Variants in TSNARE1 observed in about 807,000 individuals in gnomAD.
TSNARE1 encodes t-SNARE domain-containing protein 1.
Under a neutral mutation model 62.0 loss-of-function variants are expected in TSNARE1, and 49 were observed. The observed-to-expected ratio is 0.79, with a 90% CI of 0.63 to 1.00. The LOEUF (loss-of-function observed/expected upper bound fraction) is 1.00. TSNARE1 is among the 50% of genes least tolerant of loss of function. The pLI, the probability that TSNARE1 is intolerant of heterozygous loss-of-function variation, is 0.00. For missense variants in TSNARE1, 755 were observed against 700.1 expected (o/e 1.08, Z -0.88); for synonymous variants, 328 against 294.4 (o/e 1.11, Z -1.17).
At chr8:142,395,191 C>A (rs1464473303) in intron 1 of TSNARE1, among the ~76,000 whole-genome samples, 1 of 152,148 alleles carries the variant, frequency 6.6e-6, no homozygotes, top group Non-Finnish European at 1.5e-5. Flanking sequence ...GCTGGGACCA[C>A]AGAGACAGAA....
intron 13 of TSNARE1, among the ~76,000 whole-genome samples, chr8:142,214,794 G>T (rs755789400): frequency 1.3e-5 from 2 of 152,174 alleles, no homozygotes; most frequent in Admixed American, 6.5e-5. Flanking sequence ...CCTCCGCCAC[G>T]TGAGGATGTA....
At chr8:142,352,472 G>C (rs2130697806) in intron 2 of TSNARE1, among the ~76,000 whole-genome samples, 1 of 152,386 alleles carries the variant, frequency 6.6e-6, no homozygotes, top group East Asian at 1.9e-4. Flanking sequence ...CACGCCCCGT[G>C]TACCTGCAGA....
chr8:142,311,009 C>T (rs984539234), intron 9 of TSNARE1, among the ~76,000 whole-genome samples: 1 of 152,028 alleles, frequency 6.6e-6, no homozygotes, highest in East Asian at 1.9e-4. Context: ...CCACCACACC[C>T]GACAAAAATT....
At chr8:142,284,366 C>T in intron 11 of TSNARE1, 47 bp downstream of exon 11, 2 of 1,510,440 alleles carry the variant, frequency 1.3e-6, no homozygotes, top group Non-Finnish European at 1.8e-6. Context: ...GGCTGGCAGG[C>T]AGGCCCTCGG....
chr8:142,399,137 G>A (rs1341418812), intron 1 of TSNARE1, among the ~76,000 whole-genome samples: 9 of 152,246 alleles, frequency 5.9e-5, no homozygotes, highest in African/African-American at 2.2e-4. Context: ...ACCTATTCAA[G>A]GCACCTGGCT....
intron 12 of TSNARE1, among the ~76,000 whole-genome samples, chr8:142,263,984 C>T (rs1210993166): frequency 2.0e-5 from 3 of 152,138 alleles, no homozygotes; most frequent in Non-Finnish European, 2.9e-5. Flanking sequence ...TGGGTTCATT[C>T]TGTTGTTCCT....
intron 5 of TSNARE1, 48 bp from the exon 6 acceptor site, chr8:142,331,018 C>T (rs754725337): frequency 4.5e-6 from 7 of 1,553,072 alleles, no homozygotes; most frequent in African/African-American, 2.7e-5. Context: ...AGCTTCCCTG[C>T]CCCCTGCTAC....
At chr8:142,391,024 C>T (rs867161653) in intron 1 of TSNARE1, among the ~76,000 whole-genome samples, 1 of 143,532 alleles carries the variant, frequency 7.0e-6, no homozygotes, top group Non-Finnish European at 1.5e-5. Context: ...CTGTAACAGA[C>T]GCTGTACACT....
At chr8:142,359,678 T>C (rs960787697) in intron 1 of TSNARE1, among the ~76,000 whole-genome samples, 1 of 152,198 alleles carries the variant, frequency 6.6e-6, no homozygotes, top group Non-Finnish European at 1.5e-5. Context: ...CACCTGCACC[T>C]GCTCAGCAGG....
intron 13 of TSNARE1, among the ~76,000 whole-genome samples, chr8:142,214,450 G>T (rs751572879): frequency 2.0e-5 from 3 of 152,206 alleles, no homozygotes; most frequent in Non-Finnish European, 2.9e-5. Flanking sequence ...GGATCCCTCG[G>T]GATAGTTCTC....
intron 9 of TSNARE1, among the ~76,000 whole-genome samples, chr8:142,311,961 A>T (rs1465979748): frequency 6.6e-6 from 1 of 152,172 alleles, no homozygotes; most frequent in East Asian, 1.9e-4. Context: ...TATACCATTT[A>T]CTATTTCCTT....
At chr8:142,302,795 C>T (rs1022300925) in intron 9 of TSNARE1, among the ~76,000 whole-genome samples, 2 of 152,086 alleles carry the variant, frequency 1.3e-5, no homozygotes, top group African/African-American at 4.8e-5. Context: ...GAATGGAAAT[C>T]CAGGCTAGAC....
At chr8:142,314,522 G>A in intron 8 of TSNARE1, 82 bp from the exon 9 acceptor site, 1 of 1,287,082 alleles carries the variant, frequency 7.8e-7, no homozygotes, top group South Asian at 1.3e-5. Context: ...GCTGAGTGCA[G>A]GGCTCTGGAC....
chr8:142,276,808 G>C, intron 11 of TSNARE1: 1 of 985,438 alleles, frequency 1.0e-6, no homozygotes. Flanking sequence ...ACCGGCCACA[G>C]ACCCAGGGCG....
chr8:142,320,364 C>T (rs1829298234), intron 6 of TSNARE1, among the ~76,000 whole-genome samples: 1 of 151,778 alleles, frequency 6.6e-6, no homozygotes, highest in South Asian at 2.1e-4. Flanking sequence ...CCTCTGACTT[C>T]ACCTCCCCAC....
chr8:142,255,396 T>TACCATC lies in TSNARE1; in HGVS notation c.1446+19379_1446+19384dup, dbSNP rs1239209999. Among the ~76,000 whole-genome samples the TACCATC allele has an allele frequency of 9.4e-3, 744 of 79,338 alleles. 17 individuals are homozygous for TACCATC. The highest frequency in any genetic ancestry group is 0.056 in the Middle Eastern group (6 of 108). The allele number at this position is 79,338 out of a possible 152,430, so 52.0% of individuals were successfully genotyped here. Reference sequence around the variant, plus strand: ...TCATCATGGCTGTTACCACCACCATTACCATCACCACCACCATCACCATCA... The same window carrying TACCATC: ...TCATCATGGCTGTTACCACCACCATTACCATCACCATCACCACCACCATCACCATCA... On this transcript the variant is annotated intron_variant, in intron 12 of 13. Coordinates refer to ENST00000524325, the MANE Select transcript of TSNARE1 (RefSeq NM_145003.5).
chr8:142,343,136 G>A (rs1832818489), intron 4 of TSNARE1, among the ~76,000 whole-genome samples: 2 of 152,162 alleles, frequency 1.3e-5, no homozygotes, highest in South Asian at 4.1e-4. Context: ...CTCTGCCTGA[G>A]CCTCAGCCTC....
chr8:142,229,699 G>C, intron 12 of TSNARE1, 120 bp from the exon 13 acceptor site: 1 of 783,378 alleles, frequency 1.3e-6, no homozygotes, highest in Non-Finnish European at 2.1e-6. Flanking sequence ...CCCTGGGGCA[G>C]GGTCCAGAGA....
intron 1 of TSNARE1, among the ~76,000 whole-genome samples, chr8:142,390,580 CT>C (rs1837434584): frequency 1.5e-5 from 1 of 68,230 alleles, no homozygotes. Context: ...GCAGGGGACT[CT>C]ATAGCAGACG....
Sources: allele counts gnomAD v4.1 joint callset (sites outside exome capture counted in the v4.1 genomes callset), GRCh38; gene constraint gnomAD v4.1.1; transcripts MANE v1.5; gene names NCBI Gene and HGNC (gene_info 2026-07-23, HGNC 2026-07-21).